The following LCLAT1 variants were observed in gnomAD, a reference collection of about 807,000 sequenced individuals.
LCLAT1 encodes the protein 1-AGP acyltransferase 8.
A neutral mutation model predicts 30.7 loss-of-function variants in LCLAT1; 11 were observed. The ratio of observed to expected loss-of-function variants is 0.36; its 90% CI spans 0.23 to 0.59. The LOEUF is 0.59. Ranked by LOEUF, LCLAT1 falls within the 20% of genes least tolerant of loss-of-function variation. LCLAT1 has a pLI of 0.77. For synonymous variants in LCLAT1, 155 were observed against 151.3 expected, an observed-to-expected ratio of 1.02 and a Z score of -0.18; for missense variants, 402 against 458.6, an observed-to-expected ratio of 0.88 and a Z score of 1.13.
chr2:30,449,426 T>G (rs1447401450), intron 1 of LCLAT1, among the ~76,000 whole-genome samples: 1 of 152,210 alleles, frequency 6.6e-6, no homozygotes, highest in African/African-American at 2.4e-5. Context: ...TTTACTTTGG[T>G]TAAGTGGTAT....
intron 2 of LCLAT1, among the ~76,000 whole-genome samples, chr2:30,526,356 ATC>A (rs1369138353): frequency 6.6e-6 from 1 of 151,638 alleles, no homozygotes; most frequent in Non-Finnish European, 1.5e-5. Flanking sequence ...ATTTCTGTTT[ATC>A]TGTTTTCAAG....
intron 5 of LCLAT1, among the ~76,000 whole-genome samples, chr2:30,572,278 T>C (rs937961056): frequency 6.6e-6 from 1 of 152,210 alleles, no homozygotes; most frequent in African/African-American, 2.4e-5. Context: ...TGAAAAAGGA[T>C]AGAAGCCCTA....
intron 5 of LCLAT1, among the ~76,000 whole-genome samples, chr2:30,627,671 A>T (rs1668577719): frequency 6.6e-6 from 1 of 152,000 alleles, no homozygotes; most frequent in African/African-American, 2.4e-5. Context: ...ATTATTTTTC[A>T]ATTTCTCTTT....
chr2:30,475,900 A>G (rs997666388), intron 1 of LCLAT1, among the ~76,000 whole-genome samples: 1 of 152,224 alleles, frequency 6.6e-6, no homozygotes, highest in African/African-American at 2.4e-5. Flanking sequence ...TGTTCAAGTG[A>G]AGATTTGATA....
chr2:30,472,692 A>G (rs1248670760), intron 1 of LCLAT1, among the ~76,000 whole-genome samples: 1 of 152,092 alleles, frequency 6.6e-6, no homozygotes, highest in Non-Finnish European at 1.5e-5. Context: ...TCTTAAAAAC[A>G]TTTTTTTGCA....
intron 5 of LCLAT1, among the ~76,000 whole-genome samples, chr2:30,576,197 G>A (rs2148460289): frequency 6.6e-6 from 1 of 152,208 alleles, no homozygotes; most frequent in South Asian, 2.1e-4. Context: ...TACAAAATGT[G>A]TTTATTTCAA....
chr2:30,529,833 G>A (rs1165783721), intron 2 of LCLAT1, among the ~76,000 whole-genome samples: 1 of 152,190 alleles, frequency 6.6e-6, no homozygotes, highest in Non-Finnish European at 1.5e-5. Flanking sequence ...AAAGCCTCAA[G>A]TAGCTAGGGA....
intron 1 of LCLAT1, among the ~76,000 whole-genome samples, chr2:30,496,363 C>T (rs943821705): frequency 1.3e-5 from 2 of 152,170 alleles, no homozygotes; most frequent in African/African-American, 2.4e-5. Context: ...CTGTACCTTT[C>T]GCCTCTGATT....
At chr2:30,574,670 A>G (rs1432775257) in intron 5 of LCLAT1, among the ~76,000 whole-genome samples, 2 of 150,174 alleles carry the variant, frequency 1.3e-5, no homozygotes, top group Non-Finnish European at 3.0e-5. Context: ...TGTCCTTCAG[A>G]CGATTCTCCA....
At chr2:30,474,137 C>G (rs1342986514) in intron 1 of LCLAT1, among the ~76,000 whole-genome samples, 4 of 152,146 alleles carry the variant, frequency 2.6e-5, no homozygotes, top group African/African-American at 9.7e-5. Flanking sequence ...AAATAACCCA[C>G]AAATTTATAT....
At chr2:30,556,892 G>T (rs1426949545) in intron 3 of LCLAT1, among the ~76,000 whole-genome samples, 1 of 151,994 alleles carries the variant, frequency 6.6e-6, no homozygotes, top group African/African-American at 2.4e-5. Context: ...TTACAGGCGT[G>T]CCCCACCACG....
chr2:30,496,239 T>C lies in LCLAT1; in HGVS notation c.-4-29348T>C, dbSNP rs564198077. Among the ~76,000 whole-genome samples the C allele has an allele frequency of 9.7e-4, 148 of 152,298 alleles. 2 individuals are homozygous for C. The South Asian group carries it at 0.028, about 29-fold the overall frequency. ...CTCCCACCAGGCCCCTCTTCCAACATTGGGGATTGCAATTCAACATGAGAT... is the reference window on the plus strand; with the variant it reads ...CTCCCACCAGGCCCCTCTTCCAACACTGGGGATTGCAATTCAACATGAGAT... On this transcript the variant is annotated intron_variant, in intron 1 of 5. Transcript: ENST00000379509.
intron 4 of LCLAT1, among the ~76,000 whole-genome samples, chr2:30,565,902 G>A (rs951465098): frequency 2.6e-5 from 4 of 152,190 alleles, no homozygotes; most frequent in African/African-American, 9.7e-5. Flanking sequence ...AAAGCGTGCA[G>A]CTGTATGGGT....
intron 5 of LCLAT1, among the ~76,000 whole-genome samples, chr2:30,611,015 A>G (rs1667710202): frequency 2.7e-5 from 4 of 148,308 alleles, no homozygotes. Flanking sequence ...TTCCTTGATC[A>G]TCTTTCCCCC....
intron 3 of LCLAT1, among the ~76,000 whole-genome samples, chr2:30,549,181 T>G (rs1251574763): frequency 1.3e-5 from 2 of 152,238 alleles, no homozygotes; most frequent in Non-Finnish European, 2.9e-5. Context: ...ACAGTTTCTT[T>G]GGCCAGGAGA....
intron 5 of LCLAT1, among the ~76,000 whole-genome samples, chr2:30,616,690 T>C (rs1252394816): frequency 6.6e-6 from 1 of 152,140 alleles, no homozygotes; most frequent in Non-Finnish European, 1.5e-5. Flanking sequence ...CAGCTTGCAC[T>C]TAAAGTGATC....
chr2:30,636,592 C>A (rs1378284570), intron 5 of LCLAT1, among the ~76,000 whole-genome samples: 2 of 152,120 alleles, frequency 1.3e-5, no homozygotes, highest in African/African-American at 4.8e-5. Context: ...TAGAATCTTT[C>A]ATCAAGGAAA....
chr2:30,457,845 A>T (rs965188809), intron 1 of LCLAT1, among the ~76,000 whole-genome samples: 1 of 152,166 alleles, frequency 6.6e-6, no homozygotes, highest in African/African-American at 2.4e-5. Flanking sequence ...TTTTTAACCT[A>T]AGCGTGTGTT....
chr2:30,636,182 A>T (rs1281782031), intron 5 of LCLAT1, among the ~76,000 whole-genome samples: 1 of 152,218 alleles, frequency 6.6e-6, no homozygotes, highest in African/African-American at 2.4e-5. Flanking sequence ...TATTTGAGGC[A>T]GAGGAAGTAT....
Sources: gnomAD v4.1 joint callset for allele counts (sites outside exome capture counted in the v4.1 genomes callset) on GRCh38, gnomAD v4.1.1 for gene constraint, MANE v1.5 for transcripts, NCBI Gene and HGNC (gene_info 2026-07-23, HGNC 2026-07-21) for gene names.